The following TRIM23 variants were observed in gnomAD, a reference collection of about 807,000 sequenced individuals.
The protein encoded by TRIM23 is tripartite motif containing 23, also known as E3 ubiquitin-protein ligase TRIM23.
In TRIM23, 27 loss-of-function variants were observed where a neutral mutation model predicts 71.0. The observed-to-expected ratio is 0.38, with a 90% CI of 0.28 to 0.52. The LOEUF (loss-of-function observed/expected upper bound fraction) is 0.52. Ranked by LOEUF, TRIM23 falls within the 20% of genes least tolerant of loss-of-function variation. TRIM23 has a pLI of 0.84. For missense variants in TRIM23, 482 were observed against 692.3 expected (o/e 0.70, Z 3.41); for synonymous variants, 234 against 238.0 (o/e 0.98, Z 0.16).
At chr5:65,596,854 C>T (rs1417644389) in intron 8 of TRIM23, among the ~76,000 whole-genome samples, 197 bp downstream of exon 8, 1 of 152,116 alleles carries the variant, frequency 6.6e-6, no homozygotes, top group Non-Finnish European at 1.5e-5. Flanking sequence ...CCCACCAATA[C>T]TCTGTTTCTT....
At position 65,611,692 on chromosome 5, in the gene TRIM23, T is replaced by C. The variant is rs1239626638; in HGVS notation, c.556A>G (p.Ile186Val). Residue 186 changes from isoleucine (I) to valine (V), a missense_variant, in exon 4 of 11, where the codon ATT becomes GTT. Ile to Val is a conservative substitution (Grantham distance 29, BLOSUM62 3). This residue lies in a region of TRIM23 where 307 missense variants were observed against 495.8 expected (regional missense o/e 0.62). Transcript: ENST00000231524. ...TMCSQHQVHA[I>V]EFVCLEEGCQ... is the part of the protein sequence containing the mutation. ...CCTTCTTCCAAGCAAACAAACTCAATGGCATGCACCTGGTGCTGAGAGCAC... is the reference window on the plus strand; with the variant it reads ...CCTTCTTCCAAGCAAACAAACTCAACGGCATGCACCTGGTGCTGAGAGCAC... The C allele has an allele frequency of 1.2e-6, 2 of 1,614,226 alleles. No individual in the cohort carries two copies. The highest frequency in any genetic ancestry group is 1.1e-5 in the South Asian group (1 of 91,088).
At chr5:65,619,188 C>T (rs948538205) in intron 1 of TRIM23, among the ~76,000 whole-genome samples, 2 of 152,184 alleles carry the variant, frequency 1.3e-5, no homozygotes, top group African/African-American at 4.8e-5. Context: ...TGACCCTATG[C>T]TCCAACTATA....
chr5:65,595,139 C>T (rs937256784), intron 9 of TRIM23, among the ~76,000 whole-genome samples: 3 of 152,048 alleles, frequency 2.0e-5, no homozygotes, highest in East Asian at 1.9e-4. Context: ...TTGTAGGGCA[C>T]AGTGGCTCAC....
At position 65,590,584 on chromosome 5, in the gene TRIM23, A is replaced by G. The variant is rs184082118; in HGVS notation, c.*1185T>C. The G allele has an allele frequency of 3.3e-4, 341 of 1,036,762 alleles. No homozygotes were observed. The highest frequency in any genetic ancestry group is 3.8e-4 in the Non-Finnish European group (324 of 854,740). The allele number at this position is 1,036,762 out of a possible 1,614,324, so 64.2% of individuals were successfully genotyped here. A position where few individuals can be genotyped will look rare whatever the true frequency, so the allele number is the denominator to read the frequency against. Reference sequence around the variant, plus strand: ...AGTCTCAATGTACCTATTTAAATAAATCGTGCTTCCATAATAATATTCTTT... The same window carrying G: ...AGTCTCAATGTACCTATTTAAATAAGTCGTGCTTCCATAATAATATTCTTT... On this transcript the variant is annotated 3_prime_UTR_variant, in exon 11 of 11. Transcript: ENST00000231524.
chr5:65,591,008 C>A lies in TRIM23; in HGVS notation c.*761G>T. ...TAGAAGGACCAATTTAGAGCTCTGA[C>A]CTAGGTTCAGTCCTGGAAATGGGTC... On this transcript the variant is annotated 3_prime_UTR_variant, in exon 11 of 11. Coordinates refer to ENST00000231524, the MANE Select transcript of TRIM23 (RefSeq NM_001656.4). 1 of 987,186 alleles carries A rather than the reference C, an allele frequency of 1.0e-6. No individual in the cohort carries two copies. Among genetic ancestry groups the A allele is most frequent in the Non-Finnish European group, 1.2e-6 (1 of 831,240 alleles). The allele number at this position is 987,186 out of a possible 1,614,324, so 61.2% of individuals were successfully genotyped here.
At chr5:65,606,034 A>T (rs1362299581) in intron 6 of TRIM23, among the ~76,000 whole-genome samples, 3 of 152,110 alleles carry the variant, frequency 2.0e-5, no homozygotes, top group Non-Finnish European at 4.4e-5. Context: ...CCTTCCTTCC[A>T]TTTTTGCCTT....
At chr5:65,609,919 G>A (rs1300320907) in intron 5 of TRIM23, among the ~76,000 whole-genome samples, 1 of 152,126 alleles carries the variant, frequency 6.6e-6, no homozygotes, top group Non-Finnish European at 1.5e-5. Context: ...CCTTCAGGAT[G>A]TTGAAGCAAA....
rs554972458 is a variant in TRIM23 at position 65,591,654 on chromosome 5, T to G, written c.*115A>C. The G allele has an allele frequency of 5.4e-6, 5 of 925,892 alleles. No individual in the cohort carries two copies. The East Asian group carries it at 1.6e-4, about 30-fold the overall frequency. The allele number at this position is 925,892 out of a possible 1,614,324, so 57.4% of individuals were successfully genotyped here. On this transcript the variant is annotated 3_prime_UTR_variant, in exon 11 of 11. Coordinates refer to ENST00000231524, the MANE Select transcript of TRIM23 (RefSeq NM_001656.4). ...CCAATCCAAGATTCCTTTATATATA[T>G]ATATATATATATGCATCCTAAATTA...
intron 1 of TRIM23, among the ~76,000 whole-genome samples, chr5:65,623,861 A>G (rs1470988275): frequency 1.3e-5 from 2 of 152,184 alleles, no homozygotes; most frequent in African/African-American, 4.8e-5. Context: ...GATGATGATG[A>G]CTCAATTTAT....
chr5:65,591,468 T>C lies in TRIM23; in HGVS notation c.*301A>G, dbSNP rs1754023592. On this transcript the variant is annotated 3_prime_UTR_variant, in exon 11 of 11. Coordinates refer to ENST00000231524, the MANE Select transcript of TRIM23 (RefSeq NM_001656.4). ...CTTACCCTTTCTCTGTGACTACCTC[T>C]TTCCCAGTATATTGGTCACATATTA... 1 of 1,593,166 alleles carries C rather than the reference T, an allele frequency of 6.3e-7. No homozygotes were observed. The highest frequency in any genetic ancestry group is 8.5e-7 in the Non-Finnish European group (1 of 1,171,528).
chr5:65,623,694 C>T (rs894770072), intron 1 of TRIM23, among the ~76,000 whole-genome samples: 3 of 151,746 alleles, frequency 2.0e-5, no homozygotes, highest in Non-Finnish European at 4.4e-5. Context: ...AGACGCAGTA[C>T]AAGAGCGAAA....
chr5:65,609,554 C>T, intron 5 of TRIM23, 96 bp from the exon 6 acceptor site: 4 of 1,303,322 alleles, frequency 3.1e-6, no homozygotes, highest in Non-Finnish European at 4.2e-6. Context: ...CATGGCAAAA[C>T]TCTGTCTCTA....
chr5:65,592,008 T>C, intron 10 of TRIM23, 60 bp from the exon 11 acceptor site: 1 of 1,498,186 alleles, frequency 6.7e-7, no homozygotes. Context: ...TTTCTAATTA[T>C]CACCATTTAT....
At chr5:65,599,211 A>T (rs905049799) in intron 7 of TRIM23, among the ~76,000 whole-genome samples, 1 of 152,206 alleles carries the variant, frequency 6.6e-6, no homozygotes, top group Non-Finnish European at 1.5e-5. Flanking sequence ...AAAGTCAACA[A>T]AGTTTCAGGA....
At chr5:65,620,107 G>A (rs753841701) in intron 1 of TRIM23, among the ~76,000 whole-genome samples, 1 of 151,982 alleles carries the variant, frequency 6.6e-6, no homozygotes, top group Non-Finnish European at 1.5e-5. Context: ...AAAGAAAAAT[G>A]CAAATTAAAG....
chr5:65,617,139 A>T (rs533339077), intron 2 of TRIM23, among the ~76,000 whole-genome samples: 16 of 152,346 alleles, frequency 1.1e-4, no homozygotes, highest in African/African-American at 3.6e-4. Flanking sequence ...TGGTAAGTTA[A>T]TGCTATCTAT....
At chr5:65,605,745 A>C (rs1340235158) in intron 6 of TRIM23, among the ~76,000 whole-genome samples, 5 of 152,226 alleles carry the variant, frequency 3.3e-5, no homozygotes, top group Non-Finnish European at 7.3e-5. Flanking sequence ...CTTTATATGA[A>C]AGAGATCTCC....
In TRIM23 at chr5:65,618,161, C is replaced by G. The variant is rs1476096720; in HGVS notation, c.176G>C (p.Cys59Ser). The change falls in exon 2 of 11, where the codon TGT becomes TCT. Residue 59 changes from cysteine (C) to serine (S), a missense_variant. Physicochemically the swap from Cys to Ser is moderately radical, Grantham distance 112 (BLOSUM62 -1). Transcript: ENST00000231524. ...TCCATGAAGAGGTAGGCGAGTGAGACAGTCATGACAGACGGTATGGCCACA... is the reference window on the plus strand; with the variant it reads ...TCCATGAAGAGGTAGGCGAGTGAGAGAGTCATGACAGACGGTATGGCCACA... ...LLCGHTVCHD[C>S]LTRLPLHGRA... The G allele has an allele frequency of 1.9e-6, 3 of 1,613,930 alleles. No homozygotes were observed. Among genetic ancestry groups the G allele is most frequent in the Non-Finnish European group, 2.5e-6 (3 of 1,179,998 alleles).
intron 1 of TRIM23, among the ~76,000 whole-genome samples, chr5:65,619,294 T>C (rs1357793811): frequency 6.6e-6 from 1 of 152,184 alleles, no homozygotes; most frequent in African/African-American, 2.4e-5. Context: ...TGGGCCCCGA[T>C]GTACTCTGTA....
Sources: gnomAD v4.1 joint callset for allele counts (sites outside exome capture counted in the v4.1 genomes callset) on GRCh38, gnomAD v4.1.1 for gene constraint, gnomAD v4.1.1 regional missense constraint, MANE v1.5 for transcripts, NCBI Gene and HGNC (gene_info 2026-07-23, HGNC 2026-07-21) for gene names.